Variants in SEPTIN10 observed in about 807,000 individuals in gnomAD.
SEPTIN10 encodes septin-10.
SEPTIN10 carries 66 observed loss-of-function variants against 54.8 expected under a neutral mutation model. That is an observed-to-expected ratio of 1.21 (90% CI 0.99 to 1.48). SEPTIN10 has a LOEUF of 1.48. Ranked by LOEUF, SEPTIN10 falls within the 40% of genes most tolerant of loss-of-function variation. The pLI is 0.00. For missense variants in SEPTIN10, 620 were observed against 545.6 expected, an observed-to-expected ratio of 1.14 and a Z score of -1.36; for synonymous variants, 161 against 181.0, an observed-to-expected ratio of 0.89 and a Z score of 0.89.
At chr2:109,612,619 T>C (rs907468518) in intron 1 of SEPTIN10, among the ~76,000 whole-genome samples, 2 of 152,212 alleles carry the variant, frequency 1.3e-5, no homozygotes, top group Admixed American at 6.5e-5. Context: ...CTAAATGAAG[T>C]GTTCTCTTCT....
At chr2:109,588,810 A>G (rs1693215793) in intron 2 of SEPTIN10, among the ~76,000 whole-genome samples, 1 of 148,696 alleles carries the variant, frequency 6.7e-6, no homozygotes, top group Non-Finnish European at 1.5e-5. Flanking sequence ...TATTATTTGA[A>G]GGTTGGGTGT....
intron 2 of SEPTIN10, among the ~76,000 whole-genome samples, chr2:109,587,844 T>C (rs1692943363): frequency 6.8e-6 from 1 of 147,134 alleles, no homozygotes. Context: ...ACCTGGGAGG[T>C]GGAGGTTGCA....
chr2:109,608,271 T>A (rs1698453435), intron 1 of SEPTIN10, among the ~76,000 whole-genome samples: 1 of 152,136 alleles, frequency 6.6e-6, no homozygotes, highest in Non-Finnish European at 1.5e-5. Context: ...GGGATACAGT[T>A]TTCTCATGGA....
chr2:109,611,897 T>C (rs1699336152), intron 1 of SEPTIN10, among the ~76,000 whole-genome samples: 1 of 152,158 alleles, frequency 6.6e-6, no homozygotes, highest in Admixed American at 6.6e-5. Context: ...TGCAAAATAA[T>C]ACAGCCATTC....
intron 2 of SEPTIN10, among the ~76,000 whole-genome samples, chr2:109,589,679 G>C (rs1693477455): frequency 6.6e-6 from 1 of 152,152 alleles, no homozygotes; most frequent in South Asian, 2.1e-4. Flanking sequence ...TGGTACAGTT[G>C]CTTTGGAAAC....
intron 2 of SEPTIN10, among the ~76,000 whole-genome samples, chr2:109,589,673 A>G (rs1693474288): frequency 6.6e-6 from 1 of 152,246 alleles, no homozygotes; most frequent in South Asian, 2.1e-4. Flanking sequence ...GCAAAATGGT[A>G]CAGTTGCTTT....
intron 5 of SEPTIN10, among the ~76,000 whole-genome samples, chr2:109,573,959 G>A (rs72938267): frequency 0.064 from 9,802 of 152,054 alleles, 750 homozygotes; most frequent in East Asian, 0.24. Flanking sequence ...CTTAATAGTG[G>A]CATAAAGTAA....
At chr2:109,587,188 C>T (rs868666379) in intron 2 of SEPTIN10, among the ~76,000 whole-genome samples, 1 of 151,880 alleles carries the variant, frequency 6.6e-6, no homozygotes, top group African/African-American at 2.4e-5. Context: ...TGAAAGAGCT[C>T]GCAACGACAA....
intron 5 of SEPTIN10, 110 bp downstream of exon 5, chr2:109,574,469 TAA>T: frequency 1.7e-6 from 1 of 593,268 alleles, no homozygotes; most frequent in Non-Finnish European, 2.4e-6. Context: ...AAAAAAAATT[TAA>T]AAAAGATGCA....
chr2:109,604,406 AAAAG>A (rs1399238194), intron 1 of SEPTIN10, among the ~76,000 whole-genome samples: 2 of 64,514 alleles, frequency 3.1e-5, no homozygotes, highest in East Asian at 1.0e-3. Flanking sequence ...GGGCGGGGAG[AAAAG>A]AAAGAAAGAA....
At chr2:109,609,340 AT>A (rs1698715701) in intron 1 of SEPTIN10, among the ~76,000 whole-genome samples, 3 of 79,126 alleles carry the variant, frequency 3.8e-5, no homozygotes. Flanking sequence ...GATACAAAGA[AT>A]AATACAGGTT....
Position 109,544,452 on chromosome 2 carries a change from A to C in SEPTIN10, c.1350-128T>G, listed in dbSNP as rs1193438326. ...CTTTGAAAAAGAAAAGAAAAAACCA[A>C]AAACACCAAACCATATTTTCTTGAA... On this transcript the variant is annotated intron_variant, in intron 10 of 10. Transcript: ENST00000397712. 3.3e-5 allele frequency: 46 copies of C among 1,398,900 alleles called. No homozygotes were observed. In the Admixed American group the frequency reaches 1.3e-3, roughly 39 times the overall value. The allele number at this position is 1,398,900 out of a possible 1,614,324, so 86.7% of individuals were successfully genotyped here.
At chr2:109,586,357 A>AT (rs2105803612) in intron 2 of SEPTIN10, among the ~76,000 whole-genome samples, 1 of 152,338 alleles carries the variant, frequency 6.6e-6, no homozygotes, top group Admixed American at 6.5e-5. Context: ...ACTGGACAGA[A>AT]TAAGACTTGA....
chr2:109,587,750 A>G (rs1692915861), intron 2 of SEPTIN10, among the ~76,000 whole-genome samples: 1 of 152,060 alleles, frequency 6.6e-6, no homozygotes. Flanking sequence ...TGTGTCTACT[A>G]AAAATACAAA....
Position 109,553,125 on chromosome 2 carries a change from T to G in SEPTIN10, c.1123A>C (p.Lys375Gln). ...EMKQMFVQRV[K>Q]EKEAILKEAE... is the part of the protein sequence containing the mutation. ...TCTTTCAATATGGCTTCTTTCTCCT[T>G]TACTCGCTGCACAAACATCTGTTTC... is the stretch of plus-strand genomic sequence containing the variant. The change falls in exon 9 of 11, where the codon AAG (lysine) becomes CAG (glutamine). Residue 375 changes from lysine (K) to glutamine (Q), a missense_variant. Physicochemically the swap from Lys to Gln is moderately conservative, Grantham distance 53 (BLOSUM62 1). Transcript: ENST00000397712. 6.2e-7 allele frequency: 1 copy of G among 1,613,752 alleles called. No homozygotes were observed.
intron 8 of SEPTIN10, among the ~76,000 whole-genome samples, chr2:109,561,059 G>A (rs754803982): frequency 6.6e-6 from 1 of 150,848 alleles, no homozygotes; most frequent in African/African-American, 2.5e-5. Context: ...TCCTAAAATA[G>A]CGTTGCCTTC....
chr2:109,610,034 G>C (rs889946217), intron 1 of SEPTIN10, among the ~76,000 whole-genome samples: 2 of 151,714 alleles, frequency 1.3e-5, no homozygotes, highest in African/African-American at 4.8e-5. Context: ...ATATGACACA[G>C]AGCAGATCTC....
chr2:109,605,449 G>A (rs950884247), intron 1 of SEPTIN10: 26 of 152,006 alleles, frequency 1.7e-4, no homozygotes, highest in African/African-American at 5.3e-4. Flanking sequence ...TACTCTGAGC[G>A]ACAAGAGTGA....
intron 5 of SEPTIN10, among the ~76,000 whole-genome samples, chr2:109,568,853 G>C (rs1316536714): frequency 6.6e-6 from 1 of 152,094 alleles, no homozygotes; most frequent in African/African-American, 2.4e-5. Context: ...GAAGGAAACT[G>C]TATGTACTAC....
Sources: gnomAD v4.1 joint callset for allele counts (sites outside exome capture counted in the v4.1 genomes callset) on GRCh38, gnomAD v4.1.1 for gene constraint, MANE v1.5 for transcripts, NCBI Gene and HGNC (gene_info 2026-07-23, HGNC 2026-07-21) for gene names.